The following ABCB9 variants were observed in gnomAD, a reference collection of about 807,000 sequenced individuals.
ABCB9 encodes the protein ATP binding cassette subfamily B member 9.
In ABCB9, 36 loss-of-function variants were observed where a neutral mutation model predicts 62.0. The observed-to-expected ratio is 0.58, with a 90% CI of 0.45 to 0.77. The LOEUF (loss-of-function observed/expected upper bound fraction) is 0.77, where lower values mean the gene tolerates loss of function less well. Ranked by LOEUF, ABCB9 falls within the 30% of genes least tolerant of loss-of-function variation. The pLI is 0.00. For missense variants in ABCB9, 943 were observed against 1,054.7 expected, an observed-to-expected ratio of 0.89 and a Z score of 1.47; for synonymous variants, 435 against 461.4, an observed-to-expected ratio of 0.94 and a Z score of 0.73.
chr12:122,951,008 ATTTTTT>A lies in ABCB9; in HGVS notation c.602-449_602-444del, dbSNP rs1178686841. 6.5e-5 allele frequency: 8 copies of A among 123,770 alleles called. No individual in the cohort carries two copies. The East Asian group carries it at 7.1e-4, about 11-fold the overall frequency. 7.7% of individuals were successfully genotyped at this position (123,770 alleles called of 1,614,324 possible). On this transcript the variant is annotated intron_variant, in intron 2 of 11. Transcript: ENST00000280560. Reference sequence around the variant, plus strand: ...AGGCATGTGCCACCATGCCAGGCTAATTTTTTTTTTTTTTTTTTTGTAGAGACAGGG... The same window carrying A: ...AGGCATGTGCCACCATGCCAGGCTAATTTTTTTTTTTTTGTAGAGACAGGG...
At position 122,932,976 on chromosome 12, in the gene ABCB9, A is replaced by C. The variant is rs907349805; in HGVS notation, c.1904-648T>G. ...TACAATCACTGCTTACTGTAGCCTC[A>C]AACTTCTGGGTTCAAGCAATCCTCC... On this transcript the variant is annotated intron_variant, in intron 10 of 11. Transcript: ENST00000280560. The surrounding 1 kb of genome is among the most constrained non-coding windows in gnomAD (Gnocchi z 4.7). Among the ~76,000 whole-genome samples the C allele has an allele frequency of 2.6e-5, 4 of 152,192 alleles. No individual in the cohort carries two copies. The highest frequency in any genetic ancestry group is 7.2e-5 in the African/African-American group (3 of 41,450).
intron 2 of ABCB9, among the ~76,000 whole-genome samples, chr12:122,953,622 G>A (rs1463956829): frequency 1.3e-5 from 2 of 151,990 alleles, no homozygotes; most frequent in South Asian, 2.1e-4. Flanking sequence ...TCCTGACCTC[G>A]TGATCCACCT....
chr12:122,929,431 C>A lies in ABCB9; in HGVS notation c.*480G>T, dbSNP rs893640581. On this transcript the variant is annotated 3_prime_UTR_variant, in exon 12 of 12. Transcript: ENST00000280560. The surrounding 1 kb of genome is among the most constrained non-coding windows in gnomAD (Gnocchi z 6.0). Reference sequence around the variant, plus strand: ...CCGTTCCCCGTGTCTCCCTCCGGGACAGGGAAGCCCCTTCTCTGGAGGGGT... The same window carrying A: ...CCGTTCCCCGTGTCTCCCTCCGGGAAAGGGAAGCCCCTTCTCTGGAGGGGT... The A allele has an allele frequency of 5.1e-6, 5 of 987,562 alleles. No individual in the cohort carries two copies. Among genetic ancestry groups the A allele is most frequent in the Non-Finnish European group, 6.0e-6 (5 of 831,176 alleles). 61.2% of individuals were successfully genotyped at this position (987,562 alleles called of 1,614,324 possible).
Position 122,960,168 on chromosome 12 carries a change from G to A in ABCB9, c.68C>T (p.Ala23Val). The A allele has an allele frequency of 1.2e-6, 2 of 1,613,658 alleles. No individual in the cohort carries two copies. The highest frequency in any genetic ancestry group is 1.3e-5 in the African/African-American group (1 of 75,060). Residue 23 changes from alanine (A) to valine (V), a missense_variant, in exon 2 of 12, where the codon GCC becomes GTC. Ala to Val is a moderately conservative substitution (Grantham distance 64, BLOSUM62 0). Coordinates refer to ENST00000280560, the MANE Select transcript of ABCB9 (RefSeq NM_019625.4). ...GTCCAGGTGGCTGAAGACATAGATG[G>A]CCGTGGTCACGCAGATGTCCACACT... Reference protein sequence around the residue: ...FMSVDICVTTAIYVFSHLDRS... With the variant: ...FMSVDICVTTVIYVFSHLDRS...
rs777737010 is a variant in ABCB9, at chr12:122,944,513, G to A, written c.1258C>T (p.Leu420=). 12 of 1,613,670 alleles carry A rather than the reference G, an allele frequency of 7.4e-6. No individual in the cohort carries two copies. The Admixed American group carries it at 1.3e-4, about 18-fold the overall frequency. The change falls in exon 7 of 12, where the codon CTG becomes TTG. Residue 420 remains leucine, a synonymous_variant. Coordinates refer to ENST00000280560, the MANE Select transcript of ABCB9 (RefSeq NM_019625.4). The surrounding 1 kb of genome is among the most constrained non-coding windows in gnomAD (Gnocchi z 4.9). The part of the protein sequence containing the change: ...MYYVWGSGLT[L]LVVQVSILYY... The stretch of plus-strand genomic sequence containing the variant: ...AGGATGCTGACCTGGACCACCAGCA[G>A]TGTGAGCTGGGGCAGAGGGAGAGGG...
chr12:122,934,688 A>G (rs1013288892), intron 10 of ABCB9, among the ~76,000 whole-genome samples: 7 of 151,480 alleles, frequency 4.6e-5, no homozygotes, highest in Non-Finnish European at 7.4e-5. Flanking sequence ...AAAACTCTAA[A>G]TAATGAAAAG....
intron 2 of ABCB9, 97 bp from the exon 3 acceptor site, chr12:122,950,662 C>A: frequency 2.0e-6 from 2 of 991,786 alleles, no homozygotes; most frequent in Non-Finnish European, 3.0e-6. Flanking sequence ...ACCCCTCTGC[C>A]CACTCCACCG....
At chr12:122,950,375 T>C (rs750094496) in intron 3 of ABCB9, 76 bp downstream of exon 3, 3 of 1,390,918 alleles carry the variant, frequency 2.2e-6, no homozygotes, top group Non-Finnish European at 2.9e-6. Flanking sequence ...CTGTCTTCCT[T>C]AGGAACAGGC....
At chr12:122,924,489 C>T (rs978873013), downstream of ABCB9, 9 of 730,882 alleles carry the variant, frequency 1.2e-5, no homozygotes, top group South Asian at 6.5e-5. Flanking sequence ...CTAAGCCTCC[C>T]GAGTAGCTGG....
At chr12:122,937,823 T>C (rs2035538236) in intron 9 of ABCB9, among the ~76,000 whole-genome samples, 1 of 152,222 alleles carries the variant, frequency 6.6e-6, no homozygotes, top group Non-Finnish European at 1.5e-5. Flanking sequence ...GCTCCCTTAA[T>C]AGTTTATATT....
downstream of ABCB9, among the ~76,000 whole-genome samples, chr12:122,919,877 GTTTGTTTATTTA>G (rs2034705049): frequency 8.2e-6 from 1 of 121,836 alleles, no homozygotes; most frequent in South Asian, 2.8e-4. Context: ...TCATCTGTTT[GTTTGTTTATTTA>G]TTTATTTATT....
chr12:122,926,902 A>AAAAC (rs1020413939), downstream of ABCB9, among the ~76,000 whole-genome samples: 37 of 152,270 alleles, frequency 2.4e-4, no homozygotes, highest in South Asian at 2.1e-3. Flanking sequence ...CCTGTCTCTA[A>AAAAC]AAACAAACAA....
chr12:122,930,056 A>G lies in ABCB9; in HGVS notation c.2156T>C (p.Val719Ala). 1 of 1,569,496 alleles carries G rather than the reference A, an allele frequency of 6.4e-7. No individual in the cohort carries two copies. The highest frequency in any genetic ancestry group is 1.2e-5 in the South Asian group (1 of 85,492). Residue 719 changes from valine to alanine, a missense_variant, in exon 12 of 12, where the codon GTG (valine) becomes GCG (alanine). Coordinates refer to ENST00000280560, the MANE Select transcript of ABCB9 (RefSeq NM_019625.4). The surrounding 1 kb of genome is among the most constrained non-coding windows in gnomAD (Gnocchi z 4.9). ...LIVVLDKGRVVQQGTHQQLLA... is the reference protein window; with the variant it reads ...LIVVLDKGRVAQQGTHQQLLA... ...CAGCTGCTGGTGGGTGCCCTGCTGCACTACGCGGCCCTTGTCCAGCACCAC... is the reference window on the plus strand; with the variant it reads ...CAGCTGCTGGTGGGTGCCCTGCTGCGCTACGCGGCCCTTGTCCAGCACCAC...
chr12:122,920,733 C>A (rs750377233), downstream of ABCB9, among the ~76,000 whole-genome samples: 1 of 150,702 alleles, frequency 6.6e-6, no homozygotes, highest in East Asian at 1.9e-4. Context: ...GGTGAAACCC[C>A]GTTTCTACAA....
chr12:122,931,014 TTTTGTTTTTGTTTGTTTG>T (rs1348634076), intron 11 of ABCB9, among the ~76,000 whole-genome samples: 1 of 152,032 alleles, frequency 6.6e-6, no homozygotes, highest in African/African-American at 2.4e-5. Flanking sequence ...CCATTCTGTT[TTTTGTTTTTGTTTGTTTG>T]TTTGTTTTTT....
chr12:122,924,459 G>C, downstream of ABCB9: 1 of 425,246 alleles, frequency 2.4e-6, no homozygotes, highest in African/African-American at 2.0e-5. Context: ...CAAACTCGTG[G>C]ACTCAAGTGA....
chr12:122,936,104 ATTAG>A (rs151243661), intron 9 of ABCB9, among the ~76,000 whole-genome samples: 576 of 152,326 alleles, frequency 3.8e-3, no homozygotes, highest in African/African-American at 0.013. Context: ...GCAAAAGTTA[ATTAG>A]TTAATTAATT....
intron 7 of ABCB9, among the ~76,000 whole-genome samples, chr12:122,942,934 G>C (rs895815792): frequency 6.6e-6 from 1 of 152,180 alleles, no homozygotes; most frequent in South Asian, 2.1e-4. Flanking sequence ...TAATATGGCA[G>C]GTGTGATTCT....
chr12:122,965,273 G>C (rs940377273), intron 1 of ABCB9, among the ~76,000 whole-genome samples: 3 of 152,222 alleles, frequency 2.0e-5, no homozygotes, highest in Non-Finnish European at 4.4e-5. Flanking sequence ...GGGATTGCAA[G>C]AAAAGGGGCC....
Sources: gnomAD v4.1 joint callset for allele counts (sites outside exome capture counted in the v4.1 genomes callset) on GRCh38, gnomAD v4.1.1 for gene constraint, Gnocchi (gnomAD v3.1) non-coding constraint, MANE v1.5 for transcripts, NCBI Gene and HGNC (gene_info 2026-07-23, HGNC 2026-07-21) for gene names.